Variants in RBFOX1 observed in about 807,000 individuals in gnomAD.
RBFOX1 encodes RNA binding fox-1 homolog 1.
RBFOX1 carries 8 observed loss-of-function variants against 57.7 expected under a neutral mutation model. The observed-to-expected ratio is 0.14, with a 90% CI of 0.08 to 0.25. The LOEUF (loss-of-function observed/expected upper bound fraction) is 0.25. RBFOX1 is among the 10% of genes least tolerant of loss of function. RBFOX1 has a pLI of 1.00. For synonymous variants in RBFOX1, 326 were observed against 222.4 expected, an observed-to-expected ratio of 1.47 and a Z score of -4.15; for missense variants, 611 against 548.5, an observed-to-expected ratio of 1.11 and a Z score of -1.14.
At chr16:6,867,443 G>A (rs72768880) in intron 3 of RBFOX1, among the ~76,000 whole-genome samples, 10 of 151,772 alleles carry the variant, frequency 6.6e-5, no homozygotes, top group African/African-American at 1.9e-4. Context: ...AGGGGGCCGG[G>A]TGTGGGGGCT....
intron 4 of RBFOX1, among the ~76,000 whole-genome samples, chr16:5,917,986 C>G (rs532794830): frequency 6.6e-6 from 1 of 152,314 alleles, no homozygotes; most frequent in African/African-American, 2.4e-5. Flanking sequence ...CTCTCCCCAC[C>G]TCTCAGATTT....
intron 1 of RBFOX1, among the ~76,000 whole-genome samples, chr16:6,099,049 T>C (rs1419973305): frequency 6.6e-6 from 1 of 152,228 alleles, no homozygotes; most frequent in Non-Finnish European, 1.5e-5. Context: ...GCAGAGAATG[T>C]TTCTCCATCT....
At chr16:5,709,452 G>T (rs151212773) in intron 3 of RBFOX1, among the ~76,000 whole-genome samples, 1 of 152,056 alleles carries the variant, frequency 6.6e-6, no homozygotes, top group African/African-American at 2.4e-5. Context: ...GTGATGGCAT[G>T]TTTTATCATT....
intron 4 of RBFOX1, among the ~76,000 whole-genome samples, chr16:7,060,608 G>A (rs901823573): frequency 5.3e-5 from 8 of 152,138 alleles, no homozygotes; most frequent in Non-Finnish European, 7.4e-5. Flanking sequence ...TTATTTTTAT[G>A]TTCCAACCCT....
chr16:7,423,212 A>C (rs1268384481), intron 4 of RBFOX1, among the ~76,000 whole-genome samples: 2 of 152,184 alleles, frequency 1.3e-5, no homozygotes, highest in Non-Finnish European at 2.9e-5. Context: ...TGACCCAAAA[A>C]GCAAGACCAG....
chr16:6,628,246 C>A lies in RBFOX1; in HGVS notation c.-63-26357C>A, dbSNP rs547490681. ...TTAGGAATGTGTACTCAATGACAGC[C>A]AACGTAAATTTTGCACCTTGCTCAA... On this transcript the variant is annotated intron_variant, in intron 2 of 15. Transcript: ENST00000550418. Among the ~76,000 whole-genome samples the A allele has an allele frequency of 1.4e-4, 21 of 152,312 alleles. No individual in the cohort carries two copies. The East Asian group carries it at 3.9e-3, about 28-fold the overall frequency.
intron 5 of RBFOX1, among the ~76,000 whole-genome samples, chr16:7,568,216 C>T (rs1458475675): frequency 1.3e-5 from 2 of 152,124 alleles, no homozygotes; most frequent in Non-Finnish European, 2.9e-5. Context: ...GGTAGAGCAG[C>T]CCTGAGGGCT....
At chr16:6,077,789 T>G (rs966740053) in intron 1 of RBFOX1, among the ~76,000 whole-genome samples, 1 of 152,048 alleles carries the variant, frequency 6.6e-6, no homozygotes, top group South Asian at 2.1e-4. Context: ...CAGTCATAGC[T>G]CACTGCAGCC....
At chr16:5,271,510 G>A (rs1034443465) in intron 1 of RBFOX1, among the ~76,000 whole-genome samples, 2 of 152,262 alleles carry the variant, frequency 1.3e-5, no homozygotes, top group African/African-American at 4.8e-5. Context: ...CTGGCTGTGA[G>A]CCTTTCTGTC....
At chr16:7,162,814 C>G (rs533915997) in intron 4 of RBFOX1, among the ~76,000 whole-genome samples, 1 of 152,284 alleles carries the variant, frequency 6.6e-6, no homozygotes, top group Admixed American at 6.5e-5. Flanking sequence ...CTTTCTCCTT[C>G]TTCCTCATCT....
chr16:5,780,528 G>T (rs1319119306), intron 3 of RBFOX1, among the ~76,000 whole-genome samples: 1 of 152,008 alleles, frequency 6.6e-6, no homozygotes, highest in Non-Finnish European at 1.5e-5. Context: ...GTGTGTATTT[G>T]TCAATTTAAA....
At chr16:7,613,614 C>T (rs2141618902) in intron 10 of RBFOX1, among the ~76,000 whole-genome samples, 1 of 152,166 alleles carries the variant, frequency 6.6e-6, no homozygotes, top group African/African-American at 2.4e-5. Context: ...TATTTGACCT[C>T]GGATTTACCC....
chr16:7,186,583 AGCTT>A (rs2083888107), intron 4 of RBFOX1, among the ~76,000 whole-genome samples: 2 of 119,196 alleles, frequency 1.7e-5, no homozygotes, highest in South Asian at 2.6e-4. Context: ...TATAAATATA[AGCTT>A]AAACATATTT....
At chr16:6,626,048 G>A (rs1026383286) in intron 2 of RBFOX1, among the ~76,000 whole-genome samples, 1 of 151,726 alleles carries the variant, frequency 6.6e-6, no homozygotes, top group African/African-American at 2.4e-5. Context: ...TAATTTAGTT[G>A]CCGATTATAG....
rs559823925 is a variant in RBFOX1 at position 7,406,297 on chromosome 16, T to A, written c.28-111850T>A. Among the ~76,000 whole-genome samples, 7 of 152,318 alleles carry A rather than the reference T, an allele frequency of 4.6e-5. No individual in the cohort carries two copies. In the East Asian group the frequency reaches 1.4e-3, roughly 29 times the overall value. ...TGCCAAATACCTTGTTCATACGGTT[T>A]CTAATCCTTACAGAAATAATGTTGA... On this transcript the variant is annotated intron_variant, in intron 4 of 15. Transcript: ENST00000550418.
At chr16:6,808,809 C>T (rs36024431) in intron 3 of RBFOX1, among the ~76,000 whole-genome samples, 18,721 of 152,068 alleles carry the variant, frequency 0.12, 1,374 homozygotes, top group Non-Finnish European at 0.15. Context: ...TCATAACATA[C>T]AATATCTCTA....
At chr16:7,156,138 T>C (rs988395483) in intron 4 of RBFOX1, among the ~76,000 whole-genome samples, 7 of 151,920 alleles carry the variant, frequency 4.6e-5, no homozygotes, top group African/African-American at 1.7e-4. Context: ...TTCAAGGTGC[T>C]GGGATCACAA....
intron 2 of RBFOX1, among the ~76,000 whole-genome samples, chr16:5,574,036 C>T (rs1193870936): frequency 6.6e-6 from 1 of 152,186 alleles, no homozygotes; most frequent in African/African-American, 2.4e-5. Flanking sequence ...CATGGATTTG[C>T]CCCCGATGCC....
At chr16:7,492,704 TAGTG>T (rs374218274) in intron 4 of RBFOX1, among the ~76,000 whole-genome samples, 147,120 of 152,068 alleles carry the variant, frequency 0.97, 71,373 homozygotes, top group East Asian at 1. Flanking sequence ...CCCTTGGTGG[TAGTG>T]GCATGATAGT....
Sources: gnomAD v4.1 joint callset for allele counts (sites outside exome capture counted in the v4.1 genomes callset) on GRCh38, gnomAD v4.1.1 for gene constraint, MANE v1.5 for transcripts, NCBI Gene and HGNC (gene_info 2026-07-23, HGNC 2026-07-21) for gene names.